ABI3BP: variants seen among roughly 807,000 people sequenced by gnomAD.
ABI3BP encodes ABI family member 3 binding protein, also known as target of Nesh-SH3.
In ABI3BP, 216 loss-of-function variants were observed where a neutral mutation model predicts 268.6. The observed-to-expected ratio is 0.80, with a 90% CI of 0.72 to 0.90. The LOEUF (loss-of-function observed/expected upper bound fraction) is 0.90. ABI3BP is among the 40% of genes least tolerant of loss of function. The pLI, the probability that ABI3BP is intolerant of heterozygous loss-of-function variation, is 0.00. For synonymous variants in ABI3BP, 730 were observed against 730.0 expected, an observed-to-expected ratio of 1.00 and a Z score of 0.00; for missense variants, 2,090 against 2,182.4, an observed-to-expected ratio of 0.96 and a Z score of 0.84.
At chr3:100,864,288 A>G (rs2099028485) in intron 11 of ABI3BP, 1 of 550,134 alleles carries the variant, frequency 1.8e-6, no homozygotes, top group South Asian at 2.6e-5. Flanking sequence ...GAGAAGATCA[A>G]CATCAAATTA....
Position 100,825,780 on chromosome 3 carries a change from G to A in ABI3BP, c.2662+5C>T, listed in dbSNP as rs960520086. On this transcript the variant is annotated splice_donor_5th_base_variant and intron_variant, in intron 35 of 67. Transcript: ENST00000471714. ...CAAACAGCCAGGTAATTGTAGGGTC[G>A]TTACCTAAGGTTGTTGCAGGGATCT... The A allele has an allele frequency of 9.1e-6, 14 of 1,533,872 alleles. No individual in the cohort carries two copies. Among genetic ancestry groups the A allele is most frequent in the South Asian group, 3.6e-5 (3 of 84,020 alleles).
chr3:100,759,085 T>G (rs951447492), intron 63 of ABI3BP, among the ~76,000 whole-genome samples: 1 of 152,212 alleles, frequency 6.6e-6, no homozygotes, highest in Admixed American at 6.5e-5. Context: ...CCTTACTGAT[T>G]TAAAAAGTTG....
intron 20 of ABI3BP, chr3:100,843,922 T>G (rs976643032): frequency 2.0e-6 from 2 of 985,170 alleles, no homozygotes; most frequent in Non-Finnish European, 2.4e-6. Context: ...GTTTTTGAAA[T>G]TATAAGGAAA....
At chr3:100,753,715 CTA>C (rs1230380296) in intron 65 of ABI3BP, 102 bp downstream of exon 65, 1 of 1,279,088 alleles carries the variant, frequency 7.8e-7, no homozygotes, top group African/African-American at 1.5e-5. Flanking sequence ...TATAAGAAGA[CTA>C]AGTGGAAAAA....
At chr3:100,795,738 G>C (rs954618859) in intron 53 of ABI3BP, 66 bp downstream of exon 53, 98 of 1,148,806 alleles carry the variant, frequency 8.5e-5, no homozygotes, top group Admixed American at 1.7e-4. Flanking sequence ...AGGATCATTT[G>C]AGAAAGGCCT....
At chr3:100,902,556 GA>G (rs1383759769) in intron 3 of ABI3BP, 61 bp downstream of exon 3, 1 of 1,514,322 alleles carries the variant, frequency 6.6e-7, no homozygotes, top group Non-Finnish European at 9.1e-7. Flanking sequence ...GGGTCCAAAA[GA>G]GATGAAAAGT....
intron 15 of ABI3BP, 91 bp downstream of exon 15, chr3:100,851,784 T>C (rs1234069308): frequency 1.8e-6 from 2 of 1,101,062 alleles, no homozygotes; most frequent in Non-Finnish European, 2.6e-6. Context: ...CTCCAGAGGA[T>C]ACAATTTTCC....
At chr3:100,808,337 A>C in intron 49 of ABI3BP, 102 bp from the exon 50 acceptor site, 1 of 779,664 alleles carries the variant, frequency 1.3e-6, no homozygotes, top group Non-Finnish European at 2.0e-6. Flanking sequence ...TTGAAGACCT[A>C]AATACTCAAC....
intron 2 of ABI3BP, 71 bp from the exon 3 acceptor site, chr3:100,902,757 C>G: frequency 4.7e-6 from 6 of 1,271,680 alleles, no homozygotes; most frequent in Non-Finnish European, 6.7e-6. Flanking sequence ...CACCCCTACC[C>G]TGATTCAGCA....
chr3:100,883,336 C>CA (rs1272709457), intron 6 of ABI3BP, among the ~76,000 whole-genome samples: 1 of 151,924 alleles, frequency 6.6e-6, no homozygotes, highest in African/African-American at 2.4e-5. Context: ...TTGTCTATTT[C>CA]AAAAATGTCT....
intron 59 of ABI3BP, among the ~76,000 whole-genome samples, chr3:100,776,289 G>A (rs958985705): frequency 2.0e-5 from 3 of 152,188 alleles, no homozygotes; most frequent in Non-Finnish European, 4.4e-5. Flanking sequence ...AGTCAGAAGG[G>A]CCTCTGACCT....
intron 1 of ABI3BP, among the ~76,000 whole-genome samples, chr3:100,964,358 C>T (rs1305794159): frequency 6.6e-6 from 1 of 152,184 alleles, no homozygotes. Context: ...AATATGTGAG[C>T]CCTCCATAAA....
At chr3:100,882,746 T>C (rs1318614938) in intron 6 of ABI3BP, among the ~76,000 whole-genome samples, 2 of 152,230 alleles carry the variant, frequency 1.3e-5, no homozygotes, top group Non-Finnish European at 1.5e-5. Context: ...TTCCCAATCT[T>C]GCTGAGTAAC....
intron 2 of ABI3BP, among the ~76,000 whole-genome samples, chr3:100,918,306 A>ATCCACCCG: frequency 7.2e-6 from 1 of 139,402 alleles, no homozygotes; most frequent in East Asian, 2.0e-4. Flanking sequence ...CCATCCACCC[A>ATCCACCCG]TCCACCCGTC....
At chr3:100,850,532 A>G (rs897029764) in intron 16 of ABI3BP, 128 bp downstream of exon 16, 6 of 686,410 alleles carry the variant, frequency 8.7e-6, no homozygotes, top group Middle Eastern at 2.8e-4. Flanking sequence ...ATAGATGTAT[A>G]TATTGAGAAA....
intron 54 of ABI3BP, among the ~76,000 whole-genome samples, chr3:100,794,271 C>T (rs1407138534): frequency 1.3e-5 from 2 of 151,514 alleles, no homozygotes; most frequent in Non-Finnish European, 2.9e-5. Flanking sequence ...GATTCTAATC[C>T]TGGCTCTGAC....
chr3:100,812,175 TATGAAA>T (rs1393789240), intron 46 of ABI3BP, among the ~76,000 whole-genome samples: 2 of 152,102 alleles, frequency 1.3e-5, no homozygotes, highest in African/African-American at 4.8e-5. Context: ...CTAAAAGTGA[TATGAAA>T]ATGAAAAGTA....
chr3:100,952,941 C>T (rs2075604080), intron 1 of ABI3BP, among the ~76,000 whole-genome samples: 1 of 152,174 alleles, frequency 6.6e-6, no homozygotes, highest in South Asian at 2.1e-4. Context: ...CCTAGCTCCC[C>T]TGAGCTGTTT....
intron 34 of ABI3BP, among the ~76,000 whole-genome samples, chr3:100,826,530 A>C (rs547581061): frequency 7.2e-5 from 11 of 152,332 alleles, no homozygotes; most frequent in Admixed American, 4.6e-4. Flanking sequence ...TGTTTCTAAT[A>C]ATTCTCAAGA....
Sources: gnomAD v4.1 joint callset for allele counts (sites outside exome capture counted in the v4.1 genomes callset) on GRCh38, gnomAD v4.1.1 for gene constraint, MANE v1.5 for transcripts, NCBI Gene and HGNC (gene_info 2026-07-23, HGNC 2026-07-21) for gene names.